VPS13B: variants seen among roughly 807,000 people sequenced by gnomAD.
The protein encoded by VPS13B is vacuolar protein sorting 13 homolog B.
Under a neutral mutation model 426.4 loss-of-function variants are expected in VPS13B, and 285 were observed. The observed-to-expected ratio is 0.67, with a 90% CI of 0.61 to 0.74. VPS13B has a LOEUF of 0.74. VPS13B is among the 30% of genes least tolerant of loss of function. VPS13B has a pLI of 0.00. For missense variants in VPS13B, 4,537 were observed against 4,782.6 expected (o/e 0.95, Z 1.51); for synonymous variants, 1,676 against 1,676.4 (o/e 1.00, Z 0.01).
At position 99,642,439 on chromosome 8, in the gene VPS13B, T is replaced by C. The variant is rs775907223; in HGVS notation, c.5849T>C (p.Val1950Ala). Residue 1950 changes from valine to alanine, a missense_variant, in exon 34 of 62, where the codon GTG becomes GCG. Val to Ala is a moderately conservative substitution (Grantham distance 64). Coordinates refer to ENST00000357162, the MANE Select transcript of VPS13B (RefSeq NM_152564.5). ...LLSCHHRKQRVEVSIFDAVLK... is the reference protein window; with the variant it reads ...LLSCHHRKQRAEVSIFDAVLK... The stretch of plus-strand genomic sequence containing the variant: ...AGTTGTCACCACAGAAAGCAGCGAG[T>C]GGAAGTATCCATTTTTGATGCTGTG... 11 of 1,614,050 alleles carry C rather than the reference T, an allele frequency of 6.8e-6. 1 individual carries two copies. The South Asian group carries it at 1.2e-4, about 18-fold the overall frequency.
chr8:99,800,216 A>G (rs1268841634), intron 43 of VPS13B, among the ~76,000 whole-genome samples: 1 of 152,174 alleles, frequency 6.6e-6, no homozygotes, highest in African/African-American at 2.4e-5. Context: ...GTATGTACAT[A>G]TATATCAAAG....
At chr8:99,794,529 C>T (rs747465145) in intron 43 of VPS13B, among the ~76,000 whole-genome samples, 14 of 152,168 alleles carry the variant, frequency 9.2e-5, no homozygotes, top group Non-Finnish European at 1.9e-4. Context: ...AATAGCTCCC[C>T]GTTGCTCGTG....
intron 36 of VPS13B, among the ~76,000 whole-genome samples, chr8:99,707,429 A>T (rs754625090): frequency 6.6e-6 from 1 of 152,194 alleles, no homozygotes; most frequent in Non-Finnish European, 1.5e-5. Flanking sequence ...ATCACACCAC[A>T]TGAATATGGA....
chr8:99,463,069 T>C (rs1278057887), intron 23 of VPS13B, among the ~76,000 whole-genome samples: 1 of 152,010 alleles, frequency 6.6e-6, no homozygotes, highest in Non-Finnish European at 1.5e-5. Context: ...TTATAGAGAG[T>C]AGTAGGAGTC....
chr8:99,626,590 GA>G (rs1828623083), intron 33 of VPS13B, among the ~76,000 whole-genome samples: 2 of 152,156 alleles, frequency 1.3e-5, no homozygotes, highest in Admixed American at 1.3e-4. Flanking sequence ...TTAAGTAGAT[GA>G]ATTATTATCT....
chr8:99,343,613 C>T (rs549047166), intron 19 of VPS13B, among the ~76,000 whole-genome samples: 6 of 152,190 alleles, frequency 3.9e-5, no homozygotes, highest in South Asian at 2.1e-4. Flanking sequence ...ACAAAATCAA[C>T]GTACAAAATT....
chr8:99,206,091 C>T (rs1353304418), intron 17 of VPS13B, among the ~76,000 whole-genome samples: 2 of 151,994 alleles, frequency 1.3e-5, no homozygotes, highest in Non-Finnish European at 2.9e-5. Context: ...AATTCTAACC[C>T]TGTCTTTTTG....
intron 43 of VPS13B, among the ~76,000 whole-genome samples, chr8:99,808,911 A>G (rs1021679610): frequency 2.0e-5 from 3 of 152,130 alleles, no homozygotes; most frequent in Admixed American, 6.5e-5. Context: ...TGCATCTTCA[A>G]ACTGCTATTT....
chr8:99,576,227 T>C (rs1825768445), intron 32 of VPS13B, among the ~76,000 whole-genome samples: 1 of 152,168 alleles, frequency 6.6e-6, no homozygotes, highest in African/African-American at 2.4e-5. Flanking sequence ...TTTATATTAT[T>C]AGCTGCTAAT....
chr8:99,575,552 T>A, intron 31 of VPS13B, 106 bp from the exon 32 acceptor site: 1 of 1,385,446 alleles, frequency 7.2e-7, no homozygotes, highest in Non-Finnish European at 1.0e-6. Context: ...AAAATAATAA[T>A]GTAATTTTGC....
At chr8:99,112,696 A>G (rs562963069) in intron 6 of VPS13B, among the ~76,000 whole-genome samples, 2 of 152,304 alleles carry the variant, frequency 1.3e-5, no homozygotes, top group South Asian at 4.1e-4. Flanking sequence ...AGGTAAATTG[A>G]AGATACATTG....
chr8:99,626,781 A>G (rs1436570001), intron 33 of VPS13B, among the ~76,000 whole-genome samples: 5 of 152,222 alleles, frequency 3.3e-5, no homozygotes, highest in African/African-American at 1.2e-4. Context: ...CTGAGTATAT[A>G]CCCAAAGGAA....
At chr8:99,163,966 C>G (rs1271906977) in intron 15 of VPS13B, among the ~76,000 whole-genome samples, 1 of 152,168 alleles carries the variant, frequency 6.6e-6, no homozygotes, top group East Asian at 1.9e-4. Flanking sequence ...CCTCTCAATC[C>G]CCCCTCTAAA....
chr8:99,609,961 G>C (rs751739189), intron 33 of VPS13B, among the ~76,000 whole-genome samples: 2 of 152,092 alleles, frequency 1.3e-5, no homozygotes, highest in Non-Finnish European at 2.9e-5. Context: ...GATGTTAAAC[G>C]GTCCTTAATA....
At chr8:99,444,434 G>A (rs1311291360) in intron 23 of VPS13B, among the ~76,000 whole-genome samples, 1 of 152,186 alleles carries the variant, frequency 6.6e-6, no homozygotes, top group Non-Finnish European at 1.5e-5. Flanking sequence ...TGGTCAGGCA[G>A]AGAGTAAATA....
At chr8:99,322,699 G>C (rs1433968492) in intron 19 of VPS13B, among the ~76,000 whole-genome samples, 2 of 152,070 alleles carry the variant, frequency 1.3e-5, no homozygotes, top group Non-Finnish European at 2.9e-5. Flanking sequence ...CTTAGCTATT[G>C]CAAGAACCTT....
intron 2 of VPS13B, among the ~76,000 whole-genome samples, chr8:99,021,490 G>A (rs1464623563): frequency 2.6e-5 from 4 of 151,892 alleles, no homozygotes; most frequent in Non-Finnish European, 4.4e-5. Context: ...GTGTGGTGGC[G>A]GGCGCCTGTA....
chr8:99,855,058 TTA>T (rs1300589696), intron 56 of VPS13B, among the ~76,000 whole-genome samples: 2 of 152,108 alleles, frequency 1.3e-5, no homozygotes, highest in African/African-American at 4.8e-5. Flanking sequence ...ATACAAAATT[TTA>T]TAGAGGGACT....
chr8:99,136,904 G>A, intron 12 of VPS13B, 152 bp downstream of exon 12: 1 of 765,336 alleles, frequency 1.3e-6, no homozygotes, highest in Non-Finnish European at 2.2e-6. Flanking sequence ...CATCATGTTA[G>A]AATTGTCTTA....
Sources: allele counts gnomAD v4.1 joint callset (sites outside exome capture counted in the v4.1 genomes callset), GRCh38; gene constraint gnomAD v4.1.1; transcripts MANE v1.5; gene names NCBI Gene and HGNC (gene_info 2026-07-23, HGNC 2026-07-21).